Variants in RUNX2 observed in about 807,000 individuals in gnomAD.
The protein encoded by RUNX2 is runt-related transcription factor 2.
In RUNX2, 10 loss-of-function variants were observed where a neutral mutation model predicts 51.7. The observed-to-expected ratio is 0.19, with a 90% confidence interval of 0.12 to 0.33. RUNX2 has a LOEUF of 0.33. Among genes scored for constraint, RUNX2 ranks in the 10% least tolerant of loss-of-function variants. The pLI, the probability that RUNX2 is intolerant of heterozygous loss-of-function variation, is 1.00. For synonymous variants in RUNX2, 276 were observed against 273.6 expected (o/e 1.01, Z -0.09); for missense variants, 562 against 691.3 (o/e 0.81, Z 2.10).
At chr6:45,364,709 TAA>T (rs1794838291) in intron 2 of RUNX2, among the ~76,000 whole-genome samples, 1 of 152,232 alleles carries the variant, frequency 6.6e-6, no homozygotes, top group Non-Finnish European at 1.5e-5. Flanking sequence ...TCAAATGCTC[TAA>T]GTTTTTCCCC....
chr6:45,356,803 T>C (rs1236244789), intron 2 of RUNX2, among the ~76,000 whole-genome samples: 1 of 152,164 alleles, frequency 6.6e-6, no homozygotes, highest in East Asian at 1.9e-4. Flanking sequence ...ATCATGGGAC[T>C]TCAGAACCAG....
rs149158079 is a variant in RUNX2 at position 45,494,017 on chromosome 6, G to A, written c.859+1903G>A. ...AAGAAGATGCTTCTCTCAAGGCTTT[G>A]TCCTTAAATCTAAAGATGAGATCAT... On this transcript the variant is annotated intron_variant, in intron 6 of 8. Coordinates refer to ENST00000647337, the MANE Select transcript of RUNX2 (RefSeq NM_001024630.4). Among the ~76,000 whole-genome samples the A allele has an allele frequency of 6.1e-3, 927 of 152,236 alleles. 13 individuals carry two copies. Among genetic ancestry groups the A allele is most frequent in the African/African-American group, 0.021 (863 of 41,524 alleles).
intron 5 of RUNX2, among the ~76,000 whole-genome samples, chr6:45,450,940 A>G (rs974983302): frequency 6.6e-6 from 1 of 152,164 alleles, no homozygotes; most frequent in African/African-American, 2.4e-5. Flanking sequence ...AGGACTCTTC[A>G]TGTTCATCCC....
intron 5 of RUNX2, among the ~76,000 whole-genome samples, chr6:45,459,246 C>T (rs1168343939): frequency 1.3e-5 from 2 of 152,136 alleles, no homozygotes; most frequent in South Asian, 2.1e-4. Flanking sequence ...TATCAAAAAC[C>T]GTATTCCCAC....
chr6:45,544,393 A>G (rs1468964471), intron 7 of RUNX2, among the ~76,000 whole-genome samples: 1 of 152,186 alleles, frequency 6.6e-6, no homozygotes, highest in Non-Finnish European at 1.5e-5. Context: ...GGAGGGGTAA[A>G]TTCAAAACCA....
At chr6:45,497,467 T>G (rs1800678746) in intron 6 of RUNX2, among the ~76,000 whole-genome samples, 1 of 152,194 alleles carries the variant, frequency 6.6e-6, no homozygotes. Context: ...GAAGTTTCAC[T>G]TATTTTTTTA....
intron 7 of RUNX2, among the ~76,000 whole-genome samples, chr6:45,512,614 A>G (rs1454225798): frequency 6.6e-6 from 1 of 152,176 alleles, no homozygotes; most frequent in East Asian, 1.9e-4. Context: ...AATCCGCTAG[A>G]GATGGCATAC....
In RUNX2 at chr6:45,400,189, GGGAA is replaced by G. The variant is rs374999004; in HGVS notation, c.59-22388_59-22385del. Among the ~76,000 whole-genome samples, 537 of 141,488 alleles carry G rather than the reference GGGAA, an allele frequency of 3.8e-3. 3 individuals carry two copies. Among genetic ancestry groups the G allele is most frequent in the African/African-American group, 0.01 (395 of 38,070 alleles). The allele number at this position is 141,488 out of a possible 152,430, so 92.8% of individuals were successfully genotyped here. The stretch of plus-strand genomic sequence containing the variant: ...AAGGAAGGAAAGAAGGAGGGAATGA[GGGAA>G]GGAAGGAAGGAAGGAGGGAATGAGG... On this transcript the variant is annotated intron_variant, in intron 2 of 8. Coordinates refer to ENST00000647337, the MANE Select transcript of RUNX2 (RefSeq NM_001024630.4).
At chr6:45,470,735 A>G (rs2790094) in intron 5 of RUNX2, among the ~76,000 whole-genome samples, 41,776 of 152,042 alleles carry the variant, frequency 0.27, 6,277 homozygotes, top group Non-Finnish European at 0.34. Flanking sequence ...TAGCACCATG[A>G]TTGGGCATTA....
chr6:45,466,084 C>T (rs540877282), intron 5 of RUNX2, among the ~76,000 whole-genome samples: 67 of 151,952 alleles, frequency 4.4e-4, no homozygotes, highest in Non-Finnish European at 7.8e-4. Context: ...GAAGCCGAGG[C>T]GGGCGGATCA....
intron 5 of RUNX2, among the ~76,000 whole-genome samples, chr6:45,472,267 T>G (rs1799825256): frequency 6.6e-6 from 1 of 152,200 alleles, no homozygotes; most frequent in Admixed American, 6.5e-5. Context: ...GAGGGCTTTC[T>G]CTACCCAATA....
intron 2 of RUNX2, among the ~76,000 whole-genome samples, chr6:45,392,015 C>G (rs1797481435): frequency 1.3e-5 from 2 of 152,152 alleles, no homozygotes; most frequent in Non-Finnish European, 2.9e-5. Context: ...TCTGCAGGCT[C>G]TCATATATGT....
chr6:45,404,782 G>T (rs185933818), intron 2 of RUNX2, among the ~76,000 whole-genome samples: 10 of 152,350 alleles, frequency 6.6e-5, no homozygotes, highest in Admixed American at 3.9e-4. Flanking sequence ...CATTTTTAAA[G>T]ATTAGATTTC....
At chr6:45,488,460 C>T (rs1800350095) in intron 5 of RUNX2, among the ~76,000 whole-genome samples, 1 of 152,160 alleles carries the variant, frequency 6.6e-6, no homozygotes, top group Admixed American at 6.5e-5. Context: ...GAGGTCAGGG[C>T]TCAACCAGAA....
At chr6:45,346,929 G>C (rs1002305358) in intron 2 of RUNX2, among the ~76,000 whole-genome samples, 1 of 152,050 alleles carries the variant, frequency 6.6e-6, no homozygotes, top group South Asian at 2.1e-4. Context: ...AAATAAACAA[G>C]TGCCTAAACA....
chr6:45,482,633 T>A (rs1055600303), intron 5 of RUNX2, among the ~76,000 whole-genome samples: 8 of 152,240 alleles, frequency 5.3e-5, no homozygotes, highest in Non-Finnish European at 1.0e-4. Flanking sequence ...GTGAACTTTA[T>A]GTCACTGGTC....
In RUNX2 at chr6:45,328,642, G is replaced by A. The variant is rs147660809; in HGVS notation, c.-66-19G>A. The A allele has an allele frequency of 1.4e-5, 23 of 1,610,120 alleles. No homozygotes were observed. Among genetic ancestry groups the A allele is most frequent in the Admixed American group, 1.7e-5 (1 of 59,742 alleles). On this transcript the variant is annotated intron_variant, in intron 1 of 8. Coordinates refer to ENST00000647337, the MANE Select transcript of RUNX2 (RefSeq NM_001024630.4). ...ACTGTAAAACTAAAACAAGGTTTGGGTATGGTTTGTATTTTCAGTTTAAGG... is the reference window on the plus strand; with the variant it reads ...ACTGTAAAACTAAAACAAGGTTTGGATATGGTTTGTATTTTCAGTTTAAGG...
chr6:45,523,939 A>C (rs924696947), intron 7 of RUNX2, among the ~76,000 whole-genome samples: 1 of 152,126 alleles, frequency 6.6e-6, no homozygotes, highest in Non-Finnish European at 1.5e-5. Flanking sequence ...TCAAAAAAAA[A>C]CCAAAAACGA....
chr6:45,411,819 G>C (rs1797957128), intron 2 of RUNX2, among the ~76,000 whole-genome samples: 1 of 151,872 alleles, frequency 6.6e-6, no homozygotes, highest in Non-Finnish European at 1.5e-5. Context: ...GTTAAAAACA[G>C]AATAAATAAA....
Sources: gnomAD v4.1 joint callset for allele counts (sites outside exome capture counted in the v4.1 genomes callset) on GRCh38, gnomAD v4.1.1 for gene constraint, MANE v1.5 for transcripts, NCBI Gene and HGNC (gene_info 2026-07-23, HGNC 2026-07-21) for gene names.